RELN: variants seen among roughly 807,000 people sequenced by gnomAD.
RELN encodes reelin.
Under a neutral mutation model 427.6 loss-of-function variants are expected in RELN, and 108 were observed. The observed-to-expected ratio is 0.25, with a 90% CI of 0.22 to 0.30. RELN has a LOEUF of 0.30. RELN is among the 10% of genes least tolerant of loss of function. The pLI is 1.00. For missense variants in RELN, 3,715 were observed against 4,302.8 expected, an observed-to-expected ratio of 0.86 and a Z score of 3.82; for synonymous variants, 1,524 against 1,513.4, an observed-to-expected ratio of 1.01 and a Z score of -0.16.
chr7:103,876,755 C>T (rs1163520236), intron 2 of RELN, among the ~76,000 whole-genome samples: 1 of 151,212 alleles, frequency 6.6e-6, no homozygotes. Flanking sequence ...AAAAAATTAT[C>T]AGAACACATG....
chr7:103,696,582 C>G (rs1190712167), intron 10 of RELN, among the ~76,000 whole-genome samples: 1 of 152,136 alleles, frequency 6.6e-6, no homozygotes, highest in Non-Finnish European at 1.5e-5. Flanking sequence ...ATCTATCATT[C>G]CTTCATGTTC....
intron 1 of RELN, among the ~76,000 whole-genome samples, chr7:103,920,383 C>G (rs1221736186): frequency 6.6e-6 from 1 of 152,018 alleles, no homozygotes; most frequent in Non-Finnish European, 1.5e-5. Context: ...TAACTCAGAC[C>G]TGTTAATAAG....
intron 2 of RELN, among the ~76,000 whole-genome samples, chr7:103,843,766 G>A (rs935332173): frequency 6.6e-6 from 1 of 152,092 alleles, no homozygotes; most frequent in Non-Finnish European, 1.5e-5. Flanking sequence ...GTTATACTTG[G>A]GTCTGTGTGA....
intron 3 of RELN, among the ~76,000 whole-genome samples, chr7:103,799,502 C>G (rs2116304913): frequency 1.3e-5 from 2 of 152,310 alleles, no homozygotes; most frequent in Middle Eastern, 6.8e-3. Context: ...ACCTAACCAT[C>G]TCCTACCTCA....
chr7:103,682,435 A>G (rs564553709), intron 10 of RELN, among the ~76,000 whole-genome samples, 174 bp from the exon 11 acceptor site: 5 of 152,300 alleles, frequency 3.3e-5, no homozygotes, highest in South Asian at 4.2e-4. Context: ...TTCAATTACA[A>G]TTTCTTTCTA....
rs362650 is a variant in RELN, at chr7:103,578,338, G to C, written c.4146-2633C>G. On this transcript the variant is annotated intron_variant, in intron 28 of 64. Transcript: ENST00000428762. Reference sequence around the variant, plus strand: ...GGAACGCTTATTTAGATTTAAAAAAGAAAAACACCAAAAGACTAATCATTT... The same window carrying C: ...GGAACGCTTATTTAGATTTAAAAAACAAAAACACCAAAAGACTAATCATTT... Among the ~76,000 whole-genome samples, 448 of 152,176 alleles carry C rather than the reference G, an allele frequency of 2.9e-3. 1 individual carries two copies. The highest frequency in any genetic ancestry group is 0.01 in the African/African-American group (428 of 41,544).
chr7:103,875,798 G>T (rs7784991), intron 2 of RELN, among the ~76,000 whole-genome samples: 6 of 151,796 alleles, frequency 4.0e-5, no homozygotes, highest in African/African-American at 1.5e-4. Context: ...AATCACCTTG[G>T]GACCTGCTAA....
intron 6 of RELN, 103 bp downstream of exon 6, chr7:103,749,323 C>A: frequency 1.1e-6 from 1 of 871,920 alleles, no homozygotes; most frequent in Non-Finnish European, 2.0e-6. Flanking sequence ...GATAGCTTAG[C>A]ACTAAAGATC....
At chr7:103,570,163 C>G (rs1830848551) in intron 31 of RELN, among the ~76,000 whole-genome samples, 1 of 152,166 alleles carries the variant, frequency 6.6e-6, no homozygotes, top group African/African-American at 2.4e-5. Context: ...TTGCTTGTTA[C>G]TAAAAGGATC....
intron 4 of RELN, among the ~76,000 whole-genome samples, chr7:103,765,547 T>A (rs1791408146): frequency 6.6e-6 from 1 of 152,208 alleles, no homozygotes; most frequent in Non-Finnish European, 1.5e-5. Context: ...ACAACTGAAT[T>A]TTCACACGTA....
intron 10 of RELN, among the ~76,000 whole-genome samples, chr7:103,687,657 G>A (rs1158791982): frequency 6.6e-6 from 1 of 152,040 alleles, no homozygotes; most frequent in African/African-American, 2.4e-5. Context: ...GTACAAAGAT[G>A]ATAGAAACTG....
At chr7:103,479,575 TCAAA>T (rs559149149) in intron 63 of RELN, among the ~76,000 whole-genome samples, 92 of 152,196 alleles carry the variant, frequency 6.0e-4, no homozygotes, top group African/African-American at 1.8e-3. Context: ...GATTACACTC[TCAAA>T]CAAGCATGAG....
intron 2 of RELN, among the ~76,000 whole-genome samples, chr7:103,900,808 C>T (rs10230894): frequency 2.0e-5 from 3 of 151,880 alleles, no homozygotes; most frequent in South Asian, 2.1e-4. Flanking sequence ...ACTGAAGCTG[C>T]ACCCCTTCCT....
In RELN at chr7:103,773,287, C is replaced by T. The variant is rs182731304; in HGVS notation, c.544+3270G>A. 1.4e-3 allele frequency among the ~76,000 whole-genome samples: 179 copies of T among 129,624 alleles called. 5 individuals are homozygous for T. The highest frequency in any genetic ancestry group is 5.1e-3 in the African/African-American group (168 of 32,988). The allele number at this position is 129,624 out of a possible 152,430, so 85.0% of individuals were successfully genotyped here. Reference sequence around the variant, plus strand: ...TCTCTCCCTGTCTCTCTCTCTCCCTCGCTCCCTCTCTCTCTCCCTCCCTCG... The same window carrying T: ...TCTCTCCCTGTCTCTCTCTCTCCCTTGCTCCCTCTCTCTCTCCCTCCCTCG... On this transcript the variant is annotated intron_variant, in intron 4 of 64. Coordinates refer to ENST00000428762, the MANE Select transcript of RELN (RefSeq NM_005045.4).
rs762669132 is a variant in RELN at position 103,574,260 on chromosome 7, T to C, written c.4343A>G (p.Asn1448Ser). The C allele has an allele frequency of 4.3e-6, 7 of 1,614,120 alleles. No homozygotes were observed. Among genetic ancestry groups the C allele is most frequent in the East Asian group, 2.2e-5 (1 of 44,872 alleles). Residue 1448 changes from asparagine (N) to serine (S), a missense_variant, in exon 30 of 65, where the codon AAT (asparagine) becomes AGT (serine). By Grantham distance (46) the Asn-to-Ser change is conservative. Transcript: ENST00000428762. ...CCCCTCAAACCTATCGAACATCTCA[T>C]TGTGATTGGGGACATTTGACACACA... ...GTCVSNVPNH[N>S]EMFDRFEGKL...
At chr7:103,507,832 T>TA (rs1400854231) in intron 51 of RELN, among the ~76,000 whole-genome samples, 2 of 151,768 alleles carry the variant, frequency 1.3e-5, no homozygotes, top group East Asian at 1.9e-4. Flanking sequence ...ATAGACACAA[T>TA]AAAAAATGAT....
At chr7:103,635,650 G>A in intron 18 of RELN, 64 bp from the exon 19 acceptor site, 3 of 1,424,586 alleles carry the variant, frequency 2.1e-6, no homozygotes, top group Admixed American at 3.4e-5. Context: ...GTTCATTTTG[G>A]TCTTTAAAGA....
intron 1 of RELN, among the ~76,000 whole-genome samples, chr7:103,931,127 G>A (rs1256657624): frequency 6.6e-6 from 1 of 151,874 alleles, no homozygotes; most frequent in African/African-American, 2.4e-5. Context: ...TTATTAGGCG[G>A]GTACCAAGAA....
intron 2 of RELN, among the ~76,000 whole-genome samples, chr7:103,910,856 G>C (rs1449162464): frequency 7.8e-6 from 1 of 128,054 alleles, no homozygotes; most frequent in Non-Finnish European, 1.6e-5. Flanking sequence ...ATCAATTCAA[G>C]ATGGATTAAA....
Sources: gnomAD v4.1 joint callset for allele counts (sites outside exome capture counted in the v4.1 genomes callset) on GRCh38, gnomAD v4.1.1 for gene constraint, MANE v1.5 for transcripts, NCBI Gene and HGNC (gene_info 2026-07-23, HGNC 2026-07-21) for gene names.